LHFPL3: variants seen among roughly 807,000 people sequenced by gnomAD.
LHFPL3 encodes LHFPL tetraspan subfamily member 3.
In LHFPL3, 5 loss-of-function variants were observed where a neutral mutation model predicts 19.3. That is an observed-to-expected ratio of 0.26 (90% CI 0.14 to 0.54). The LOEUF (loss-of-function observed/expected upper bound fraction) is 0.54, where lower values mean the gene tolerates loss of function less well. Among genes scored for constraint, LHFPL3 ranks in the 20% least tolerant of loss-of-function variants. The pLI is 0.94. For missense variants in LHFPL3, 249 were observed against 307.4 expected, an observed-to-expected ratio of 0.81 and a Z score of 1.42; for synonymous variants, 133 against 126.2, an observed-to-expected ratio of 1.05 and a Z score of -0.36.
chr7:104,438,646 A>G (rs561765871), intron 1 of LHFPL3, among the ~76,000 whole-genome samples: 2 of 152,324 alleles, frequency 1.3e-5, no homozygotes, highest in African/African-American at 4.8e-5. Context: ...ATTAGAAAGG[A>G]AGAAAGGCTT....
intron 1 of LHFPL3, among the ~76,000 whole-genome samples, chr7:104,541,400 T>C (rs541730666): frequency 5.9e-4 from 90 of 152,226 alleles, no homozygotes; most frequent in Admixed American, 9.2e-4. Context: ...TGATACATGT[T>C]GAGTAAGTGA....
intron 2 of LHFPL3, among the ~76,000 whole-genome samples, chr7:104,758,493 T>C (rs1222925504): frequency 6.6e-6 from 1 of 152,202 alleles, no homozygotes; most frequent in Non-Finnish European, 1.5e-5. Flanking sequence ...AATAGGACCG[T>C]GTCTCTTTCA....
intron 1 of LHFPL3, among the ~76,000 whole-genome samples, chr7:104,503,917 A>C (rs1793650680): frequency 6.6e-6 from 1 of 152,118 alleles, no homozygotes; most frequent in South Asian, 2.1e-4. Flanking sequence ...CATTTATATA[A>C]GCCCATCCCT....
At chr7:104,364,498 C>A (rs950747829) in intron 1 of LHFPL3, among the ~76,000 whole-genome samples, 1 of 152,216 alleles carries the variant, frequency 6.6e-6, no homozygotes, top group Non-Finnish European at 1.5e-5. Flanking sequence ...CCACTTTGCC[C>A]TGTACATAAG....
At chr7:104,607,965 T>C (rs1253399190) in intron 1 of LHFPL3, among the ~76,000 whole-genome samples, 1 of 152,142 alleles carries the variant, frequency 6.6e-6, no homozygotes, top group Non-Finnish European at 1.5e-5. Flanking sequence ...TCACACCAGT[T>C]AGAATGGCAA....
chr7:104,588,352 A>G (rs570899257), intron 1 of LHFPL3, among the ~76,000 whole-genome samples: 1 of 152,314 alleles, frequency 6.6e-6, no homozygotes, highest in East Asian at 1.9e-4. Flanking sequence ...CAGTTTTCCC[A>G]GCACCATTTA....
At chr7:104,629,016 T>C (rs1791595199) in intron 1 of LHFPL3, among the ~76,000 whole-genome samples, 1 of 152,214 alleles carries the variant, frequency 6.6e-6, no homozygotes, top group African/African-American at 2.4e-5. Context: ...AAAATATTGC[T>C]AAAAAAATAC....
At chr7:104,848,451 C>T (rs934743520) in intron 2 of LHFPL3, among the ~76,000 whole-genome samples, 2 of 152,158 alleles carry the variant, frequency 1.3e-5, no homozygotes, top group Non-Finnish European at 2.9e-5. Context: ...GCAAGAGTCA[C>T]GAGCTCTTTG....
At chr7:104,794,355 G>T (rs1323521086) in intron 2 of LHFPL3, among the ~76,000 whole-genome samples, 2 of 152,128 alleles carry the variant, frequency 1.3e-5, no homozygotes, top group East Asian at 3.8e-4. Context: ...CAAAACATGG[G>T]CAAAGTTGCC....
chr7:104,384,787 CAAAAAAA>C (rs771136918), intron 1 of LHFPL3, among the ~76,000 whole-genome samples: 14 of 74,572 alleles, frequency 1.9e-4, no homozygotes, highest in African/African-American at 2.7e-4. Flanking sequence ...AACTCTATTT[CAAAAAAA>C]AAAAAAAAAA....
chr7:104,808,370 G>C (rs1790405765), intron 2 of LHFPL3, among the ~76,000 whole-genome samples: 1 of 152,186 alleles, frequency 6.6e-6, no homozygotes, highest in African/African-American at 2.4e-5. Context: ...TTGGTGGCTG[G>C]AGAGACTACA....
chr7:104,339,472 G>A (rs1397198150), intron 1 of LHFPL3, among the ~76,000 whole-genome samples: 4 of 152,068 alleles, frequency 2.6e-5, no homozygotes, highest in Admixed American at 6.5e-5. Flanking sequence ...CCTGGCCTAC[G>A]GCATGTTTCC....
rs1792383353 is a variant in LHFPL3, at chr7:104,667,736, T to A, written c.446-68939T>A. 15 of 1,550,540 alleles carry A rather than the reference T, an allele frequency of 9.7e-6. No homozygotes were observed. The African/African-American group carries it at 1.2e-4, about 13-fold the overall frequency. On this transcript the variant is annotated intron_variant, in intron 1 of 2. Transcript: ENST00000424859. ...CTTAAAGAAATACAAGGAAAAGCTT[T>A]CCCTCTGCCAACATGGCGGCCTCAG...
chr7:104,518,504 TCTA>T (rs56305067), intron 1 of LHFPL3, among the ~76,000 whole-genome samples: 69,366 of 151,746 alleles, frequency 0.46, 16,619 homozygotes, highest in African/African-American at 0.6. Context: ...GTGTTTAAAT[TCTA>T]CTACTGGACA....
At chr7:104,560,119 A>T (rs1584401608) in intron 1 of LHFPL3, among the ~76,000 whole-genome samples, 1 of 144,414 alleles carries the variant, frequency 6.9e-6, no homozygotes. Context: ...AATGTTCATC[A>T]AGGATATTGG....
At chr7:104,782,953 C>CACACACATGCACACAT (rs1456713908) in intron 2 of LHFPL3, among the ~76,000 whole-genome samples, 1 of 152,270 alleles carries the variant, frequency 6.6e-6, no homozygotes, top group Admixed American at 6.5e-5. Context: ...CGCGCGCACA[C>CACACACATGCACACAT]ACACACATGC....
chr7:104,397,280 C>T (rs1046635587), intron 1 of LHFPL3, among the ~76,000 whole-genome samples: 1 of 152,034 alleles, frequency 6.6e-6, no homozygotes, highest in Non-Finnish European at 1.5e-5. Flanking sequence ...CTTAAGTAAA[C>T]ACTCTGTTAG....
chr7:104,469,217 T>A (rs1340871547), intron 1 of LHFPL3, among the ~76,000 whole-genome samples: 1 of 152,216 alleles, frequency 6.6e-6, no homozygotes, highest in African/African-American at 2.4e-5. Flanking sequence ...CAGAAAAGCA[T>A]TGTCCTGATG....
At chr7:104,603,303 C>A (rs9640680) in intron 1 of LHFPL3, among the ~76,000 whole-genome samples, 28,069 of 151,710 alleles carry the variant, frequency 0.19, 3,259 homozygotes, top group South Asian at 0.39. Context: ...CCAAGCAGTC[C>A]TCCCACCTGA....
Sources: allele counts gnomAD v4.1 joint callset (sites outside exome capture counted in the v4.1 genomes callset), GRCh38; gene constraint gnomAD v4.1.1; transcripts MANE v1.5; gene names NCBI Gene and HGNC (gene_info 2026-07-23, HGNC 2026-07-21).